GALNT18: variants seen among roughly 807,000 people sequenced by gnomAD.
GALNT18 encodes GalNAc-transferase 18.
Under a neutral mutation model 69.5 loss-of-function variants are expected in GALNT18, and 44 were observed. That is an observed-to-expected ratio of 0.63 (90% CI 0.50 to 0.81). The LOEUF is 0.81. Ranked by LOEUF, GALNT18 falls within the 40% of genes least tolerant of loss-of-function variation. GALNT18 has a pLI of 0.00. For missense variants in GALNT18, 715 were observed against 810.0 expected (o/e 0.88, Z 1.42); for synonymous variants, 364 against 318.2 (o/e 1.14, Z -1.53).
At position 11,340,260 on chromosome 11, in the gene GALNT18, C is replaced by A. The variant is rs953979996; in HGVS notation, c.1278+559G>T. 1.5e-5 allele frequency among the ~76,000 whole-genome samples: 1 copy of A among 66,900 alleles called. No homozygotes were observed. Among genetic ancestry groups the A allele is most frequent in the Non-Finnish European group, 2.8e-5 (1 of 36,320 alleles). 43.9% of individuals were successfully genotyped at this position (66,900 alleles called of 152,430 possible). On this transcript the variant is annotated intron_variant, in intron 7 of 10. Coordinates refer to ENST00000227756, the MANE Select transcript of GALNT18 (RefSeq NM_198516.3). The surrounding 1 kb of genome is among the most constrained non-coding windows in gnomAD (Gnocchi z 4.2). ...TGACCAGAGGGATAGAGGACAGTGG[C>A]AGGCAATGATGAGGCTCTGTGAAGG...
Position 11,584,948 on chromosome 11 carries a change from A to C in GALNT18, c.235+36411T>G, listed in dbSNP as rs564434881. Among the ~76,000 whole-genome samples the C allele has an allele frequency of 6.6e-6, 1 of 152,272 alleles. No individual in the cohort carries two copies. Among genetic ancestry groups the C allele is most frequent in the East Asian group, 1.9e-4 (1 of 5,180 alleles). ...TTAAGGAAAATTTATAATTATGGAA[A>C]ACTTGCCTCCACCACTATGAGCTTG... On this transcript the variant is annotated intron_variant, in intron 1 of 10. Transcript: ENST00000227756. This position sits in a 1 kb window ranked among gnomAD's most constrained non-coding sequence, Gnocchi z 4.1.
intron 1 of GALNT18, among the ~76,000 whole-genome samples, chr11:11,476,712 C>T (rs1487731763): frequency 1.3e-5 from 2 of 152,120 alleles, no homozygotes; most frequent in Non-Finnish European, 2.9e-5. Context: ...TTTGAGATGG[C>T]TATTTCATAG....
intron 9 of GALNT18, among the ~76,000 whole-genome samples, chr11:11,313,978 C>T (rs908145745): frequency 4.6e-5 from 7 of 152,192 alleles, no homozygotes; most frequent in Non-Finnish European, 8.8e-5. Flanking sequence ...CGATTTGGTG[C>T]TAGGCACATG....
intron 2 of GALNT18, among the ~76,000 whole-genome samples, chr11:11,437,602 G>T (rs140785394): frequency 1.3e-5 from 2 of 152,214 alleles, no homozygotes; most frequent in East Asian, 1.9e-4. Context: ...CCCAGTTCTC[G>T]GCCACCAGAT....
chr11:11,281,136 G>A (rs1378303011), intron 10 of GALNT18, among the ~76,000 whole-genome samples: 1 of 152,200 alleles, frequency 6.6e-6, no homozygotes, highest in African/African-American at 2.4e-5. Context: ...CGCAGGCAGG[G>A]GACCAAAACC....
At chr11:11,473,862 C>A (rs776108831) in intron 1 of GALNT18, among the ~76,000 whole-genome samples, 1 of 152,120 alleles carries the variant, frequency 6.6e-6, no homozygotes, top group Non-Finnish European at 1.5e-5. Flanking sequence ...GTCAGGAGTT[C>A]AAGATCAGCC....
In GALNT18 at chr11:11,454,469, G is replaced by A. The variant is rs1335280008; in HGVS notation, c.236-5533C>T. On this transcript the variant is annotated intron_variant, in intron 1 of 10. Coordinates refer to ENST00000227756, the MANE Select transcript of GALNT18 (RefSeq NM_198516.3). This position sits in a 1 kb window ranked among gnomAD's most constrained non-coding sequence, Gnocchi z 4.2. Reference sequence around the variant, plus strand: ...AATATAGGGAGAAGGAAGATAAGGAGGGAGGCAGGGAGAGAAGGAGGCTGT... The same window carrying A: ...AATATAGGGAGAAGGAAGATAAGGAAGGAGGCAGGGAGAGAAGGAGGCTGT... 6.6e-6 allele frequency among the ~76,000 whole-genome samples: 1 copy of A among 152,104 alleles called. No individual in the cohort carries two copies. The highest frequency in any genetic ancestry group is 2.4e-5 in the African/African-American group (1 of 41,414).
intron 3 of GALNT18, among the ~76,000 whole-genome samples, chr11:11,429,371 T>G (rs1292998839): frequency 6.6e-6 from 1 of 152,246 alleles, no homozygotes; most frequent in Non-Finnish European, 1.5e-5. Context: ...TAACTTTCGG[T>G]TCTTTCCTCT....
chr11:11,293,068 G>A lies in GALNT18; in HGVS notation c.1638C>T (p.Ala546=). 3 of 1,389,286 alleles carry A rather than the reference G, an allele frequency of 2.2e-6. No homozygotes were observed. In the South Asian group the frequency reaches 5.8e-5, roughly 27 times the overall value. 86.1% of individuals were successfully genotyped at this position (1,389,286 alleles called of 1,614,324 possible). ...SRPRLIECSY[A]KAKRMKLHWQ... is the part of the protein sequence containing the mutation. ...AGTGAAGCTTCATCCTCTTGGCTTTGGCGTAGCTGCATTCGATGAGCCGGG... is the reference window on the plus strand; with the variant it reads ...AGTGAAGCTTCATCCTCTTGGCTTTAGCGTAGCTGCATTCGATGAGCCGGG... Residue 546 remains alanine, a synonymous_variant, in exon 10 of 11, where the codon GCC becomes GCT. Coordinates refer to ENST00000227756, the MANE Select transcript of GALNT18 (RefSeq NM_198516.3).
In GALNT18 at chr11:11,523,611, C is replaced by G. The variant is rs563793708; in HGVS notation, c.236-74675G>C. On this transcript the variant is annotated intron_variant, in intron 1 of 10. Transcript: ENST00000227756. The surrounding 1 kb of genome is among the most constrained non-coding windows in gnomAD (Gnocchi z 4.3). ...GTGGGCTCCTGTAGTCCCAGCTACT[C>G]GGGAGGCTGAGGCAGGAGAATGGTG... is the stretch of plus-strand genomic sequence containing the variant. Among the ~76,000 whole-genome samples the G allele has an allele frequency of 6.6e-6, 1 of 150,948 alleles. No individual in the cohort carries two copies.
In GALNT18 at chr11:11,523,001, C is replaced by T. The variant is rs139597994; in HGVS notation, c.236-74065G>A. ...GTAAAGTAAGAGACTGAGCGCAGTG[C>T]AGTCCACTAACAATTCAGGCAGAGG... On this transcript the variant is annotated intron_variant, in intron 1 of 10. Transcript: ENST00000227756. This position sits in a 1 kb window ranked among gnomAD's most constrained non-coding sequence, Gnocchi z 4.3. Among the ~76,000 whole-genome samples, 13 of 152,336 alleles carry T rather than the reference C, an allele frequency of 8.5e-5. No individual in the cohort carries two copies. The highest frequency in any genetic ancestry group is 3.9e-4 in the East Asian group (2 of 5,188).
intron 8 of GALNT18, among the ~76,000 whole-genome samples, chr11:11,330,744 A>G (rs1368899786): frequency 3.3e-5 from 5 of 152,226 alleles, no homozygotes; most frequent in African/African-American, 1.2e-4. Context: ...TGGAGGGCCT[A>G]CATGTTAAAC....
At chr11:11,569,893 G>C (rs1230261087) in intron 1 of GALNT18, among the ~76,000 whole-genome samples, 1 of 152,158 alleles carries the variant, frequency 6.6e-6, no homozygotes, top group Admixed American at 6.5e-5. Context: ...AGTCCATGGA[G>C]ACAGGAAAAG....
At chr11:11,276,468 C>G (rs181795057) in intron 10 of GALNT18, among the ~76,000 whole-genome samples, 4 of 152,250 alleles carry the variant, frequency 2.6e-5, no homozygotes, top group Non-Finnish European at 5.9e-5. Flanking sequence ...ATCATGTCAT[C>G]TGCAAACAGA....
intron 3 of GALNT18, among the ~76,000 whole-genome samples, chr11:11,419,709 T>A (rs1854956865): frequency 6.6e-6 from 1 of 151,834 alleles, no homozygotes; most frequent in Admixed American, 6.6e-5. Flanking sequence ...TATCAGGATT[T>A]CTCTCATGGC....
intron 1 of GALNT18, among the ~76,000 whole-genome samples, chr11:11,499,385 T>C (rs972253580): frequency 6.6e-6 from 1 of 152,196 alleles, no homozygotes; most frequent in Non-Finnish European, 1.5e-5. Context: ...TCCTCATCTG[T>C]TCTGGCCTTC....
At chr11:11,536,328 G>A (rs561862591) in intron 1 of GALNT18, among the ~76,000 whole-genome samples, 35 of 152,252 alleles carry the variant, frequency 2.3e-4, no homozygotes, top group African/African-American at 6.5e-4. Context: ...GTTAGCAAAC[G>A]AAGTTTCCAA....
Position 11,605,714 on chromosome 11 carries a change from T to C in GALNT18, c.235+15645A>G, listed in dbSNP as rs1043594268. Among the ~76,000 whole-genome samples, 2 of 152,242 alleles carry C rather than the reference T, an allele frequency of 1.3e-5. No homozygotes were observed. Among genetic ancestry groups the C allele is most frequent in the African/African-American group, 2.4e-5 (1 of 41,466 alleles). ...ATGCCCTGCTTACCTGCATCTTTTC[T>C]GGCATTATTCTCTGCTTTTCGTGCA... On this transcript the variant is annotated intron_variant, in intron 1 of 10. Transcript: ENST00000227756. The surrounding 1 kb of genome is among the most constrained non-coding windows in gnomAD (Gnocchi z 4.7).
At chr11:11,403,554 G>C (rs1002718428) in intron 3 of GALNT18, among the ~76,000 whole-genome samples, 4 of 152,186 alleles carry the variant, frequency 2.6e-5, no homozygotes, top group Non-Finnish European at 5.9e-5. Context: ...TTGTCTCTGA[G>C]AGGTCAGATC....
Sources: gnomAD v4.1 joint callset for allele counts (sites outside exome capture counted in the v4.1 genomes callset) on GRCh38, gnomAD v4.1.1 for gene constraint, Gnocchi (gnomAD v3.1) non-coding constraint, MANE v1.5 for transcripts, NCBI Gene and HGNC (gene_info 2026-07-23, HGNC 2026-07-21) for gene names.